Variants in MECOM observed in about 807,000 individuals in gnomAD.
MECOM encodes histone-lysine N-methyltransferase MECOM.
MECOM carries 13 observed loss-of-function variants against 116.3 expected under a neutral mutation model. That is an observed-to-expected ratio of 0.11 (90% CI 0.07 to 0.18). The LOEUF is 0.18. Among genes scored for constraint, MECOM ranks in the 10% least tolerant of loss-of-function variants. MECOM has a pLI of 1.00. For missense variants in MECOM, 1,299 were observed against 1,509.0 expected, an observed-to-expected ratio of 0.86 and a Z score of 2.31; for synonymous variants, 528 against 535.2, an observed-to-expected ratio of 0.99 and a Z score of 0.19.
intron 2 of MECOM, among the ~76,000 whole-genome samples, chr3:169,233,469 A>G (rs1269931816): frequency 6.6e-6 from 1 of 152,144 alleles, no homozygotes; most frequent in Non-Finnish European, 1.5e-5. Flanking sequence ...TGTATTTTAC[A>G]GCACATTAAA....
At chr3:169,409,076 C>T (rs973996891) in intron 1 of MECOM, among the ~76,000 whole-genome samples, 1 of 152,090 alleles carries the variant, frequency 6.6e-6, no homozygotes, top group Non-Finnish European at 1.5e-5. Flanking sequence ...TTAGAATGCC[C>T]TATTTACCAT....
At chr3:169,363,154 T>C (rs1228792999) in intron 2 of MECOM, among the ~76,000 whole-genome samples, 1 of 152,084 alleles carries the variant, frequency 6.6e-6, no homozygotes, top group African/African-American at 2.4e-5. Context: ...GCCATTTTTT[T>C]CCCTCCTGTC....
At chr3:169,296,620 A>T (rs1014159914) in intron 2 of MECOM, among the ~76,000 whole-genome samples, 8 of 152,232 alleles carry the variant, frequency 5.3e-5, no homozygotes, top group African/African-American at 1.4e-4. Context: ...AGCTTTTCCC[A>T]GAGCCAGTTA....
At chr3:169,531,765 A>C (rs1434819494) in intron 1 of MECOM, among the ~76,000 whole-genome samples, 1 of 152,240 alleles carries the variant, frequency 6.6e-6, no homozygotes, top group East Asian at 1.9e-4. Flanking sequence ...GTATAGCAGT[A>C]AAGCCTAAAA....
intron 2 of MECOM, among the ~76,000 whole-genome samples, chr3:169,177,912 T>C (rs1302529174): frequency 1.4e-5 from 2 of 147,832 alleles, no homozygotes; most frequent in African/African-American, 2.5e-5. Flanking sequence ...AGAGCTAGAC[T>C]TGGTCTCAAA....
chr3:169,292,834 G>A (rs1714841697), intron 2 of MECOM, among the ~76,000 whole-genome samples: 1 of 152,122 alleles, frequency 6.6e-6, no homozygotes. Flanking sequence ...AAAAGATCTG[G>A]ATCAAATTAT....
intron 2 of MECOM, among the ~76,000 whole-genome samples, chr3:169,288,494 T>A (rs1713827559): frequency 1.3e-5 from 2 of 152,222 alleles, no homozygotes; most frequent in South Asian, 4.1e-4. Context: ...TCTATCAGAA[T>A]GAAATTAGTT....
intron 2 of MECOM, among the ~76,000 whole-genome samples, chr3:169,266,001 T>C (rs1758251447): frequency 6.6e-6 from 1 of 152,198 alleles, no homozygotes; most frequent in Admixed American, 6.5e-5. Flanking sequence ...TTCAGAGTTC[T>C]CTACTCTGAA....
At chr3:169,392,542 T>C (rs568815075) in intron 1 of MECOM, among the ~76,000 whole-genome samples, 16 of 152,282 alleles carry the variant, frequency 1.1e-4, no homozygotes, top group African/African-American at 3.1e-4. Flanking sequence ...TGGAGCTGTG[T>C]AAGTTGCTAA....
At chr3:169,420,446 A>T (rs1465898720) in intron 1 of MECOM, among the ~76,000 whole-genome samples, 6 of 152,158 alleles carry the variant, frequency 3.9e-5, no homozygotes, top group African/African-American at 1.4e-4. Context: ...GAACCCATGG[A>T]TCTGAAATTC....
rs115562337 is a variant in MECOM at position 169,389,669 on chromosome 3, G to A, written c.38-8145C>T. Reference sequence around the variant, plus strand: ...TCCTGAATTCATGCTGCAGCAGACTGGGTGGTTACTCCTCAGGCAATCTGA... The same window carrying A: ...TCCTGAATTCATGCTGCAGCAGACTAGGTGGTTACTCCTCAGGCAATCTGA... On this transcript the variant is annotated intron_variant, in intron 1 of 16. Transcript: ENST00000651503. The A allele has an allele frequency of 1.5e-3, 1,183 of 788,738 alleles. 11 individuals carry two copies. In the African/African-American group the frequency reaches 0.02, roughly 14 times the overall value. 48.9% of individuals were successfully genotyped at this position (788,738 alleles called of 1,614,324 possible).
chr3:169,481,419 G>T (rs1751263431), intron 1 of MECOM, among the ~76,000 whole-genome samples: 1 of 152,054 alleles, frequency 6.6e-6, no homozygotes, highest in Non-Finnish European at 1.5e-5. Flanking sequence ...TGGACATTTT[G>T]GTACATGTCT....
chr3:169,189,681 C>T (rs911641695), intron 2 of MECOM, among the ~76,000 whole-genome samples: 6 of 152,036 alleles, frequency 3.9e-5, no homozygotes, highest in South Asian at 2.1e-4. Context: ...TGAAGTTATT[C>T]GTAATCATGC....
intron 3 of MECOM, among the ~76,000 whole-genome samples, chr3:169,135,247 C>G (rs1226947548): frequency 1.3e-5 from 2 of 151,906 alleles, no homozygotes; most frequent in Admixed American, 1.3e-4. Flanking sequence ...TGGGTCTCTT[C>G]TCCTATCAGG....
intron 2 of MECOM, chr3:169,147,202 G>A (rs1740171116): frequency 4.1e-6 from 4 of 985,484 alleles, no homozygotes; most frequent in Admixed American, 6.1e-5. Flanking sequence ...CTCCTTCCCA[G>A]TTCCAATGGG....
At position 169,122,651 on chromosome 3, in the gene MECOM, T is replaced by C. The variant is rs758012210; in HGVS notation, c.907A>G (p.Lys303Glu). The change falls in exon 6 of 17, where the codon AAG becomes GAG. Residue 303 changes from lysine (K) to glutamate (E), a missense_variant. By Grantham distance (56) the Lys-to-Glu change is moderately conservative. This residue lies in a region of MECOM where 374 missense variants were observed against 433.4 expected (regional missense o/e 0.86). Transcript: ENST00000651503. The part of the protein sequence containing the change: ...CDQCPKAFNW[K>E]SNLIRHQMSH... The stretch of plus-strand genomic sequence containing the variant: ...ATCTGGTGGCGAATTAAATTGGACT[T>C]CCAGTTAAATGCCTTGGGACACTGA... 9.3e-6 allele frequency: 15 copies of C among 1,613,988 alleles called. No homozygotes were observed. Among genetic ancestry groups the C allele is most frequent in the Non-Finnish European group, 1.3e-5 (15 of 1,179,966 alleles).
chr3:169,539,898 T>C (rs1326133564), intron 1 of MECOM, among the ~76,000 whole-genome samples: 2 of 152,198 alleles, frequency 1.3e-5, no homozygotes, highest in African/African-American at 4.8e-5. Flanking sequence ...CATTAAGTGC[T>C]ATGAAGAAAA....
At chr3:169,408,324 A>G (rs776426575) in intron 1 of MECOM, among the ~76,000 whole-genome samples, 64 of 152,226 alleles carry the variant, frequency 4.2e-4, no homozygotes, top group Admixed American at 2.1e-3. Context: ...CAGTACAGCA[A>G]GCAAAATATG....
chr3:169,263,329 C>T (rs1349002389), intron 2 of MECOM, among the ~76,000 whole-genome samples: 2 of 151,076 alleles, frequency 1.3e-5, no homozygotes, highest in African/African-American at 4.9e-5. Flanking sequence ...GGGGTTTCAC[C>T]GTGTTAGCCA....
Sources: gnomAD v4.1 joint callset for allele counts (sites outside exome capture counted in the v4.1 genomes callset) on GRCh38, gnomAD v4.1.1 for gene constraint, gnomAD v4.1.1 regional missense constraint, MANE v1.5 for transcripts, NCBI Gene and HGNC (gene_info 2026-07-23, HGNC 2026-07-21) for gene names.